CCDC191: variants seen among roughly 807,000 people sequenced by gnomAD.
The protein encoded by CCDC191 is coiled-coil domain containing 191, also known as coiled-coil domain-containing protein 191.
Under a neutral mutation model 114.0 loss-of-function variants are expected in CCDC191, and 99 were observed. The ratio of observed to expected loss-of-function variants is 0.87; its 90% CI spans 0.74 to 1.03. The LOEUF (loss-of-function observed/expected upper bound fraction) is 1.03, where lower values mean the gene tolerates loss of function less well. CCDC191 is among the 50% of genes least tolerant of loss of function. The pLI is 0.00. For synonymous variants in CCDC191, 351 were observed against 376.0 expected (o/e 0.93, Z 0.77); for missense variants, 973 against 1,087.0 (o/e 0.90, Z 1.47).
chr3:113,977,825 A>G (rs1391709015), intron 16 of CCDC191, among the ~76,000 whole-genome samples: 2 of 152,244 alleles, frequency 1.3e-5, no homozygotes, highest in Non-Finnish European at 2.9e-5. Context: ...TACATTTCAC[A>G]ATAAATGATG....
intron 7 of CCDC191, among the ~76,000 whole-genome samples, chr3:114,024,105 A>G (rs559756996): frequency 6.6e-6 from 1 of 152,380 alleles, no homozygotes; most frequent in South Asian, 2.1e-4. Flanking sequence ...AAAAATGCTC[A>G]TCATCACTGG....
intron 2 of CCDC191, chr3:114,046,946 G>C (rs1163981227): frequency 2.1e-6 from 2 of 959,058 alleles, no homozygotes; most frequent in Non-Finnish European, 2.5e-6. Context: ...ATTTTACCAA[G>C]TTCTAACAGA....
chr3:113,978,351 T>C lies in CCDC191; in HGVS notation c.2461-20A>G. On this transcript the variant is annotated intron_variant, in intron 15 of 16. Coordinates refer to ENST00000295878, the MANE Select transcript of CCDC191 (RefSeq NM_020817.2). Reference sequence around the variant, plus strand: ...CACGTACTGGGGATGAAGACAGAAATAAAAGTGAGACAAAAAATATCAGTT... The same window carrying C: ...CACGTACTGGGGATGAAGACAGAAACAAAAGTGAGACAAAAAATATCAGTT... 6.2e-7 allele frequency: 1 copy of C among 1,610,514 alleles called. No individual in the cohort carries two copies. Among genetic ancestry groups the C allele is most frequent in the Non-Finnish European group, 8.5e-7 (1 of 1,178,410 alleles).
At chr3:113,975,338 C>A (rs1055778947) in intron 16 of CCDC191, among the ~76,000 whole-genome samples, 4 of 152,156 alleles carry the variant, frequency 2.6e-5, no homozygotes, top group African/African-American at 4.8e-5. Context: ...GTCTCTCCTT[C>A]CTTTCATCCA....
chr3:113,980,755 C>T lies in CCDC191; in HGVS notation c.2202G>A (p.Gln734=). 6.2e-7 allele frequency: 1 copy of T among 1,610,626 alleles called. No individual in the cohort carries two copies. Among genetic ancestry groups the T allele is most frequent in the Non-Finnish European group, 8.5e-7 (1 of 1,178,956 alleles). ...LEKQKRIKRN[Q]QLEAIAKEHY... ...GTTCTTTGGCTATTGCTTCCAGCTG[C>T]TGGTTCCTCTTAATTCTCTTCTGCT... The change falls in exon 14 of 17, where the codon CAG becomes CAA. Residue 734 remains glutamine (Q), a synonymous_variant. Coordinates refer to ENST00000295878, the MANE Select transcript of CCDC191 (RefSeq NM_020817.2).
intron 8 of CCDC191, among the ~76,000 whole-genome samples, chr3:114,013,412 AT>A (rs1442200495): frequency 4.6e-5 from 7 of 152,218 alleles, no homozygotes; most frequent in Admixed American, 3.9e-4. Flanking sequence ...ACAATGTTGC[AT>A]ATAAGCCAAT....
Position 114,005,574 on chromosome 3 carries a change from T to C in CCDC191, c.1802A>G (p.Glu601Gly), listed in dbSNP as rs919394310. 3 of 1,614,108 alleles carry C rather than the reference T, an allele frequency of 1.9e-6. No individual in the cohort carries two copies. The highest frequency in any genetic ancestry group is 2.5e-6 in the Non-Finnish European group (3 of 1,179,994). Residue 601 changes from glutamate to glycine, a missense_variant, in exon 10 of 17, where the codon GAA becomes GGA. Transcript: ENST00000295878. Reference protein sequence around the residue: ...WAAEHALAVTEAQSHLLSKPR... With the variant: ...WAAEHALAVTGAQSHLLSKPR... ...CTTTGACAGCAGGTGGCTCTGTGCT[T>C]CTGTGACTGCTAAGGCATGCTCTGC...
intron 7 of CCDC191, among the ~76,000 whole-genome samples, chr3:114,024,058 T>C (rs2076282929): frequency 6.6e-6 from 1 of 151,654 alleles, no homozygotes; most frequent in Non-Finnish European, 1.5e-5. Flanking sequence ...ATTTGAACAC[T>C]TCTCAAAAGA....
chr3:113,998,282 G>A (rs2075775216), intron 13 of CCDC191, among the ~76,000 whole-genome samples: 1 of 147,648 alleles, frequency 6.8e-6, no homozygotes, highest in South Asian at 2.2e-4. Flanking sequence ...CACCAGCCTG[G>A]GCAACAAGAG....
intron 13 of CCDC191, among the ~76,000 whole-genome samples, chr3:113,989,111 A>G (rs1395566440): frequency 6.6e-6 from 1 of 152,180 alleles, no homozygotes; most frequent in Non-Finnish European, 1.5e-5. Context: ...AGTCTTTTTA[A>G]ACATACATGC....
intron 16 of CCDC191, among the ~76,000 whole-genome samples, chr3:113,972,419 C>T (rs935194691): frequency 2.6e-5 from 4 of 151,942 alleles, no homozygotes; most frequent in African/African-American, 9.7e-5. Flanking sequence ...TAATTTTATT[C>T]TATTGTGGTC....
At chr3:114,025,788 A>G (rs1352522657) in intron 7 of CCDC191, among the ~76,000 whole-genome samples, 1 of 152,108 alleles carries the variant, frequency 6.6e-6, no homozygotes, top group African/African-American at 2.4e-5. Flanking sequence ...CCCCATCTCT[A>G]CCAAAATCCC....
chr3:113,978,859 T>C lies in CCDC191; in HGVS notation c.2459A>G (p.Gln820Arg), dbSNP rs1225915198. Reference sequence around the variant, plus strand: ...AGGTACCCTTCCCTATGTCCTTACCTGTAGCCAGCTCTGGATGACTCTCTT... The same window carrying C: ...AGGTACCCTTCCCTATGTCCTTACCCGTAGCCAGCTCTGGATGACTCTCTT... ...LLKRVIQSWL[Q>R]YVIDLQEEVR... The change falls in exon 15 of 17, where the codon CAG becomes CGG. Residue 820 changes from glutamine (Q) to arginine (R), a missense_variant and splice_region_variant. Physicochemically the swap from Gln to Arg is conservative, Grantham distance 43. Transcript: ENST00000295878. 6.2e-7 allele frequency: 1 copy of C among 1,613,776 alleles called. No homozygotes were observed. Among genetic ancestry groups the C allele is most frequent in the East Asian group, 2.2e-5 (1 of 44,886 alleles).
At chr3:114,025,652 A>T (rs2076310189) in intron 7 of CCDC191, among the ~76,000 whole-genome samples, 1 of 152,212 alleles carries the variant, frequency 6.6e-6, no homozygotes, top group Non-Finnish European at 1.5e-5. Flanking sequence ...AAGAATGACC[A>T]CAGTGCAGCC....
intron 13 of CCDC191, among the ~76,000 whole-genome samples, chr3:113,988,493 G>A (rs1485229595): frequency 1.3e-5 from 2 of 151,846 alleles, no homozygotes; most frequent in African/African-American, 4.8e-5. Context: ...AGGCGTGGTG[G>A]TGCGTGCCTG....
intron 7 of CCDC191, among the ~76,000 whole-genome samples, chr3:114,029,558 T>A (rs2076375032): frequency 6.6e-6 from 1 of 152,150 alleles, no homozygotes. Context: ...TTAACCTTAA[T>A]GGGTGACAGT....
intron 7 of CCDC191, 26 bp from the exon 8 acceptor site, chr3:114,018,894 A>G: frequency 9.3e-6 from 15 of 1,606,758 alleles, no homozygotes; most frequent in Non-Finnish European, 1.3e-5. Context: ...TAGGAAAATC[A>G]CCACCCATCA....
chr3:114,022,934 C>T (rs1003627907), intron 7 of CCDC191, among the ~76,000 whole-genome samples: 1 of 152,094 alleles, frequency 6.6e-6, no homozygotes, highest in Non-Finnish European at 1.5e-5. Flanking sequence ...TGTTTGCAGA[C>T]AACATGATTG....
chr3:113,972,121 T>G (rs1940880350), intron 16 of CCDC191, among the ~76,000 whole-genome samples: 1 of 151,992 alleles, frequency 6.6e-6, no homozygotes, highest in African/African-American at 2.4e-5. Flanking sequence ...TAATTTGGGG[T>G]TTGGTTTGTT....
Sources: gnomAD v4.1 joint callset for allele counts (sites outside exome capture counted in the v4.1 genomes callset) on GRCh38, gnomAD v4.1.1 for gene constraint, MANE v1.5 for transcripts, NCBI Gene and HGNC (gene_info 2026-07-23, HGNC 2026-07-21) for gene names.